Variants in SMARCA4 observed in about 807,000 individuals in gnomAD.
SMARCA4 encodes the protein SWI/SNF-related matrix-associated actin-dependent regulator of chromatin subfamily A member 4.
A neutral mutation model predicts 193.9 loss-of-function variants in SMARCA4; 31 were observed. The ratio of observed to expected loss-of-function variants is 0.16; its 90% CI spans 0.12 to 0.22. The LOEUF (loss-of-function observed/expected upper bound fraction) is 0.22. Among genes scored for constraint, SMARCA4 ranks in the 10% least tolerant of loss-of-function variants. The pLI is 1.00. For missense variants in SMARCA4, 1,148 were observed against 2,296.0 expected (o/e 0.50, Z 10.22); for synonymous variants, 942 against 933.1 (o/e 1.01, Z -0.17).
At chr19:10,983,520 C>T (rs1008467453) in intron 1 of SMARCA4, 15 of 154,554 alleles carry the variant, frequency 9.7e-5, no homozygotes, top group Middle Eastern at 3.4e-3. Context: ...CCGCGATCTC[C>T]GTCTCCCAAG....
intron 30 of SMARCA4, among the ~76,000 whole-genome samples, chr19:11,049,591 T>G (rs990576729): frequency 6.6e-6 from 1 of 152,050 alleles, no homozygotes; most frequent in African/African-American, 2.4e-5. Flanking sequence ...CTGGGTTCTT[T>G]ATAGCAGTCA....
At chr19:10,970,328 G>A (rs1249942844) in intron 1 of SMARCA4, among the ~76,000 whole-genome samples, 6 of 152,224 alleles carry the variant, frequency 3.9e-5, no homozygotes, top group Admixed American at 3.9e-4. Context: ...ATCGAGGAGG[G>A]GGTTGTGGGA....
intron 13 of SMARCA4, 89 bp downstream of exon 13, chr19:11,003,486 C>T (rs762258025): frequency 2.0e-5 from 25 of 1,270,110 alleles, no homozygotes; most frequent in Non-Finnish European, 2.8e-5. Flanking sequence ...CCTGCCCTGG[C>T]TGGGCATCTT....
Position 11,029,723 on chromosome 19 carries a change from G to A in SMARCA4, c.3383-1007G>A, listed in dbSNP as rs149323626. ...AGTTTCACTCTTGTTGCCCAGGCTG[G>A]AGTGCAGTGGCATGATCTCAGCTCA... On this transcript the variant is annotated intron_variant, in intron 24 of 34. Coordinates refer to ENST00000344626, the MANE Select transcript of SMARCA4 (RefSeq NM_003072.5). Among the ~76,000 whole-genome samples the A allele has an allele frequency of 3.9e-5, 6 of 152,284 alleles. No individual in the cohort carries two copies. In the East Asian group the frequency reaches 1.2e-3, roughly 29 times the overall value.
intron 9 of SMARCA4, chr19:10,995,935 T>G (rs1600079504): frequency 2.0e-6 from 1 of 506,220 alleles, no homozygotes; most frequent in Non-Finnish European, 3.7e-6. Context: ...GGGTTTGGGG[T>G]GTATTTCGTG....
rs2078332753 is a variant in SMARCA4 at position 11,019,456 on chromosome 19, C to A, written c.2506-135C>A. 1 of 675,214 alleles carries A rather than the reference C, an allele frequency of 1.5e-6. No homozygotes were observed. The highest frequency in any genetic ancestry group is 1.8e-5 in the African/African-American group (1 of 56,856). 41.8% of individuals were successfully genotyped at this position (675,214 alleles called of 1,614,324 possible). A position where few individuals can be genotyped will look rare whatever the true frequency, so the allele number is the denominator to read the frequency against. On this transcript the variant is annotated intron_variant, in intron 17 of 34. Coordinates refer to ENST00000344626, the MANE Select transcript of SMARCA4 (RefSeq NM_003072.5). This position sits in a 1 kb window ranked among gnomAD's most constrained non-coding sequence, Gnocchi z 6.1. ...GGGACGCGCCAGCGGCCCTGCCAGC[C>A]CCTTTCCCCACTACCCCTGTGAGGA...
At chr19:10,961,639 G>A (rs2083816399) in intron 1 of SMARCA4, 2 of 152,204 alleles carry the variant, frequency 1.3e-5, no homozygotes, top group Non-Finnish European at 2.9e-5. Context: ...GATATGTCCG[G>A]CGTCGGCCGG....
chr19:11,008,138 C>A, intron 14 of SMARCA4, 115 bp downstream of exon 14: 2 of 1,098,740 alleles, frequency 1.8e-6, no homozygotes, highest in Non-Finnish European at 2.7e-6. Context: ...CAGCCAGCTG[C>A]TACTGTGGAA....
rs2090180851 is a variant in SMARCA4 at position 11,025,403 on chromosome 19, CCT to C, written c.3082-15_3082-14del. On this transcript the variant is annotated splice_polypyrimidine_tract_variant and intron_variant, in intron 21 of 34. Transcript: ENST00000344626. ...AGGAGGGCAAGACCCCATTTGGGTC[CCT>C]CTCATCTGCCTTCCAGGGCAAAGGC... is the stretch of plus-strand genomic sequence containing the variant. 1.9e-6 allele frequency: 3 copies of C among 1,598,304 alleles called. No individual in the cohort carries two copies. The highest frequency in any genetic ancestry group is 2.6e-6 in the Non-Finnish European group (3 of 1,166,682).
intron 1 of SMARCA4, among the ~76,000 whole-genome samples, chr19:10,964,133 A>G (rs1229411378): frequency 1.3e-5 from 2 of 151,984 alleles, no homozygotes; most frequent in African/African-American, 2.4e-5. Flanking sequence ...GTCAGTGAGG[A>G]GCATTCCAAC....
intron 30 of SMARCA4, chr19:11,047,762 A>G (rs978367804): frequency 1.3e-5 from 2 of 152,244 alleles, no homozygotes; most frequent in African/African-American, 4.8e-5. Context: ...CTGGCTACCC[A>G]CGTGGCTGAC....
rs182644267 is a variant in SMARCA4 at position 11,060,148 on chromosome 19, G to C, written c.4872G>C (p.Pro1624=). The change falls in exon 34 of 35, where the codon CCG becomes CCC. Residue 1624 remains proline, a synonymous_variant. Transcript: ENST00000344626. ...RRPSRGSRAK[P]VVSDDDSEEE... is the part of the protein sequence containing the mutation. ...CGAGCCGAGGGTCCCGAGCCAAGCC[G>C]GTCGTGAGTGACGATGACAGTGAGG... The C allele has an allele frequency of 6.4e-7, 1 of 1,551,214 alleles. No individual in the cohort carries two copies. The highest frequency in any genetic ancestry group is 8.7e-7 in the Non-Finnish European group (1 of 1,146,708).
rs73013137 is a variant in SMARCA4 at position 10,978,042 on chromosome 19, C to G, written c.-31-6079C>G. 6.7e-3 allele frequency among the ~76,000 whole-genome samples: 1,022 copies of G among 152,272 alleles called. 12 individuals carry two copies. The highest frequency in any genetic ancestry group is 0.054 in the South Asian group (262 of 4,830). On this transcript the variant is annotated intron_variant, in intron 1 of 34. Transcript: ENST00000344626. ...GTAGTCCCTGTGTGGTGGTGAGGGCCCAGTGCGGGGAGTCTCAGTTGTTAC... is the reference window on the plus strand; with the variant it reads ...GTAGTCCCTGTGTGGTGGTGAGGGCGCAGTGCGGGGAGTCTCAGTTGTTAC...
chr19:11,045,460 G>T (rs2075849614), intron 30 of SMARCA4, among the ~76,000 whole-genome samples: 1 of 152,194 alleles, frequency 6.6e-6, no homozygotes, highest in South Asian at 2.1e-4. Context: ...GGATACTGGG[G>T]ATATTCTCTC....
intron 1 of SMARCA4, among the ~76,000 whole-genome samples, chr19:10,974,945 G>A (rs1250316511): frequency 2.0e-5 from 3 of 148,346 alleles, no homozygotes; most frequent in Non-Finnish European, 4.5e-5. Context: ...TGATCCGCTC[G>A]CCTCAGCTTC....
intron 16 of SMARCA4, among the ~76,000 whole-genome samples, chr19:11,017,119 T>C (rs933350224): frequency 1.8e-4 from 27 of 152,232 alleles, no homozygotes; most frequent in African/African-American, 6.5e-4. Flanking sequence ...TGTGTTAAGC[T>C]GAACGTGAGT....
chr19:11,034,246 C>G lies in SMARCA4; in HGVS notation c.3951+46C>G. The G allele has an allele frequency of 6.8e-7, 1 of 1,460,142 alleles. No homozygotes were observed. Among genetic ancestry groups the G allele is most frequent in the South Asian group, 1.1e-5 (1 of 88,114 alleles). The allele number at this position is 1,460,142 out of a possible 1,614,324, so 90.4% of individuals were successfully genotyped here. A position where few individuals can be genotyped will look rare whatever the true frequency, so the allele number is the denominator to read the frequency against. On this transcript the variant is annotated intron_variant, in intron 28 of 34. Transcript: ENST00000344626. This position sits in a 1 kb window ranked among gnomAD's most constrained non-coding sequence, Gnocchi z 7.0. ...GGGGCAGTTCAGGCATCCCACTCTG[C>G]TGCCACCAGGAGCAAAGCAGACGTC...
intron 8 of SMARCA4, among the ~76,000 whole-genome samples, chr19:10,992,370 G>A (rs761429396): frequency 6.6e-6 from 1 of 151,274 alleles, no homozygotes; most frequent in Non-Finnish European, 1.5e-5. Context: ...GTCCGTCTTG[G>A]CCTCTCAAAG....
At position 11,039,503 on chromosome 19, in the gene SMARCA4, C is replaced by T. The variant is rs587778686; in HGVS notation, c.4171-1804C>T. ...CCATGACACAGCCAGCAGTGTGGCA[C>T]GTGGGCTACAATTCCAGCGTGGCCT... is the stretch of plus-strand genomic sequence containing the variant. On this transcript the variant is annotated intron_variant, in intron 29 of 34. Transcript: ENST00000344626. 6.2e-6 allele frequency: 10 copies of T among 1,601,070 alleles called. No individual in the cohort carries two copies. The highest frequency in any genetic ancestry group is 7.7e-6 in the Non-Finnish European group (9 of 1,175,564).
Sources: allele counts gnomAD v4.1 joint callset (sites outside exome capture counted in the v4.1 genomes callset), GRCh38; gene constraint gnomAD v4.1.1; non-coding constraint Gnocchi (gnomAD v3.1); transcripts MANE v1.5; gene names NCBI Gene and HGNC (gene_info 2026-07-23, HGNC 2026-07-21).